The following AMPH variants were observed in gnomAD, a reference collection of about 807,000 sequenced individuals.
The protein encoded by AMPH is amphiphysin (Stiff-Mann syndrome with breast cancer 128kD autoantigen).
Under a neutral mutation model 99.1 loss-of-function variants are expected in AMPH, and 49 were observed. That is an observed-to-expected ratio of 0.49 (90% CI 0.39 to 0.63). The LOEUF (loss-of-function observed/expected upper bound fraction) is 0.63, where lower values mean the gene tolerates loss of function less well. Ranked by LOEUF, AMPH falls within the 20% of genes least tolerant of loss-of-function variation. The pLI, the probability that AMPH is intolerant of heterozygous loss-of-function variation, is 0.00. For missense variants in AMPH, 759 were observed against 863.4 expected, an observed-to-expected ratio of 0.88 and a Z score of 1.52; for synonymous variants, 314 against 317.3, an observed-to-expected ratio of 0.99 and a Z score of 0.11.
Position 38,414,835 on chromosome 7 carries a change from T to C in AMPH, c.1398+2990A>G, listed in dbSNP as rs1785320779. On this transcript the variant is annotated intron_variant, in intron 17 of 20. Transcript: ENST00000356264. The stretch of plus-strand genomic sequence containing the variant: ...ACCTGCCATCATGCCAGGCTAATTT[T>C]TGTATTTTTGTAGAGATGGGGTTTC... Among the ~76,000 whole-genome samples the C allele has an allele frequency of 2.0e-5, 3 of 152,128 alleles. No homozygotes were observed. In the South Asian group the frequency reaches 6.2e-4, roughly 32 times the overall value.
rs1562804810 is a variant in AMPH at position 38,521,927 on chromosome 7, T to C, written c.150+13004A>G. Among the ~76,000 whole-genome samples, 3 of 152,208 alleles carry C rather than the reference T, an allele frequency of 2.0e-5. 1 individual carries two copies. The highest frequency in any genetic ancestry group is 2.1e-4 in the South Asian group (1 of 4,830). ...TGTCACCAGACATTGAAAATTCTAC[T>C]GAGATTTCCCTCAGTGGAACAGGGG... On this transcript the variant is annotated intron_variant, in intron 2 of 20. Transcript: ENST00000356264.
intron 11 of AMPH, among the ~76,000 whole-genome samples, chr7:38,439,017 G>C (rs568963752): frequency 6.6e-6 from 1 of 152,174 alleles, no homozygotes; most frequent in African/African-American, 2.4e-5. Context: ...TGGATCATGG[G>C]GGTAGTTTCC....
intron 1 of AMPH, among the ~76,000 whole-genome samples, chr7:38,568,423 C>G (rs999304446): frequency 2.0e-5 from 3 of 152,130 alleles, no homozygotes; most frequent in Non-Finnish European, 4.4e-5. Flanking sequence ...CAAGATTGTG[C>G]CACTGCACTC....
intron 1 of AMPH, among the ~76,000 whole-genome samples, chr7:38,589,061 C>T (rs1584278296): frequency 2.6e-5 from 4 of 152,006 alleles, no homozygotes. Flanking sequence ...GTAGGTGAGT[C>T]CATTCTTTAG....
At chr7:38,498,156 A>C (rs1305510114) in intron 3 of AMPH, among the ~76,000 whole-genome samples, 3 of 152,132 alleles carry the variant, frequency 2.0e-5, no homozygotes, top group Non-Finnish European at 2.9e-5. Context: ...CCAGTTCAAA[A>C]ACTAGAAGTT....
At chr7:38,433,143 G>A (rs1786103149) in intron 12 of AMPH, among the ~76,000 whole-genome samples, 2 of 152,156 alleles carry the variant, frequency 1.3e-5, no homozygotes, top group South Asian at 4.1e-4. Flanking sequence ...AAATATGATG[G>A]TTTTCGGTTG....
chr7:38,463,341 G>A, intron 9 of AMPH: 1 of 643,958 alleles, frequency 1.6e-6, no homozygotes, highest in Admixed American at 2.1e-5. Context: ...CTTCACAGTA[G>A]CCATGTTTTA....
At chr7:38,596,483 AT>A (rs2129059791) in intron 1 of AMPH, among the ~76,000 whole-genome samples, 1 of 152,286 alleles carries the variant, frequency 6.6e-6, no homozygotes, top group East Asian at 1.9e-4. Flanking sequence ...GTGGGAGGAC[AT>A]GAAAGGGAGA....
chr7:38,561,764 C>T (rs1791557952), intron 1 of AMPH, among the ~76,000 whole-genome samples: 1 of 152,018 alleles, frequency 6.6e-6, no homozygotes, highest in Non-Finnish European at 1.5e-5. Context: ...GGATGAAGCC[C>T]CCATAATGAG....
chr7:38,450,916 G>A (rs1407665375), intron 11 of AMPH, among the ~76,000 whole-genome samples: 3 of 151,160 alleles, frequency 2.0e-5, no homozygotes, highest in Admixed American at 6.6e-5. Context: ...TTGAGACAGG[G>A]TCTCGCTCTT....
chr7:38,455,438 C>T (rs1415572291), intron 11 of AMPH, among the ~76,000 whole-genome samples: 1 of 152,096 alleles, frequency 6.6e-6, no homozygotes, highest in Non-Finnish European at 1.5e-5. Flanking sequence ...GCTTCTTCCA[C>T]AGAGCGGAAG....
intron 14 of AMPH, chr7:38,428,026 C>T: frequency 2.2e-6 from 1 of 456,706 alleles, no homozygotes; most frequent in Non-Finnish European, 4.4e-6. Context: ...CAGCAGCTAG[C>T]AATGGCTTGT....
chr7:38,466,274 A>G, intron 7 of AMPH, 26 bp from the exon 8 acceptor site: 1 of 1,551,478 alleles, frequency 6.4e-7, no homozygotes, highest in Non-Finnish European at 8.7e-7. Context: ...ACAAAGAGGA[A>G]AGAAGAGAGA....
At chr7:38,432,330 T>C in intron 12 of AMPH, 118 bp from the exon 13 acceptor site, 1 of 882,056 alleles carries the variant, frequency 1.1e-6, no homozygotes, top group Non-Finnish European at 1.8e-6. Context: ...TACAGTACTG[T>C]TCAATAAAAC....
chr7:38,573,900 G>C (rs1792137697), intron 1 of AMPH, among the ~76,000 whole-genome samples: 1 of 152,294 alleles, frequency 6.6e-6, no homozygotes, highest in Admixed American at 6.5e-5. Flanking sequence ...TCCTAAGGAA[G>C]TAGCTACTAT....
chr7:38,466,255 T>C lies in AMPH; in HGVS notation c.591-7A>G, dbSNP rs761358375. The C allele has an allele frequency of 6.9e-6, 11 of 1,585,088 alleles. No homozygotes were observed. Among genetic ancestry groups the C allele is most frequent in the Middle Eastern group, 1.7e-4 (1 of 6,026 alleles). On this transcript the variant is annotated splice_region_variant and splice_polypyrimidine_tract_variant and intron_variant, in intron 7 of 20. Coordinates refer to ENST00000356264, the MANE Select transcript of AMPH (RefSeq NM_001635.4). ...AACATAAAATCCAACTCGTCTGCCA[T>C]GTGGAAACACAAAGAGGAAAGAAGA...
intron 2 of AMPH, among the ~76,000 whole-genome samples, chr7:38,522,766 T>C (rs1790018998): frequency 6.6e-6 from 1 of 151,970 alleles, no homozygotes; most frequent in African/African-American, 2.4e-5. Flanking sequence ...ATATTGAAGA[T>C]AATGAAAGCA....
chr7:38,414,838 T>G lies in AMPH; in HGVS notation c.1398+2987A>C, dbSNP rs914431658. ...TGCCATCATGCCAGGCTAATTTTTG[T>G]ATTTTTGTAGAGATGGGGTTTCATC... On this transcript the variant is annotated intron_variant, in intron 17 of 20. Transcript: ENST00000356264. Among the ~76,000 whole-genome samples, 20 of 152,148 alleles carry G rather than the reference T, an allele frequency of 1.3e-4. 1 individual carries two copies. The highest frequency in any genetic ancestry group is 3.9e-4 in the Admixed American group (6 of 15,272).
rs70977409 is a variant in AMPH, at chr7:38,473,710, CAAAAAAAAAAAAAAAAAAAA to C, written c.590+1601_590+1620del. Among the ~76,000 whole-genome samples the C allele has an allele frequency of 8.7e-3, 33 of 3,782 alleles. 4 individuals are homozygous for C. Among genetic ancestry groups the C allele is most frequent in the Non-Finnish European group, 0.011 (27 of 2,416 alleles). 2.5% of individuals were successfully genotyped at this position (3,782 alleles called of 152,430 possible). On this transcript the variant is annotated intron_variant, in intron 7 of 20. Transcript: ENST00000356264. Reference sequence around the variant, plus strand: ...TGGGCGACAGAGCGAGACTCCGTCTCAAAAAAAAAAAAAAAAAAAAAAAAAAAAAAAAAAAAAGTATTCCA... The same window carrying C: ...TGGGCGACAGAGCGAGACTCCGTCTCAAAAAAAAAAAAAAAAAGTATTCCA...
Sources: allele counts gnomAD v4.1 joint callset (sites outside exome capture counted in the v4.1 genomes callset), GRCh38; gene constraint gnomAD v4.1.1; transcripts MANE v1.5; gene names NCBI Gene and HGNC (gene_info 2026-07-23, HGNC 2026-07-21).